SDHA: variants seen among roughly 807,000 people sequenced by gnomAD.
SDHA encodes succinate dehydrogenase [ubiquinone] flavoprotein subunit, mitochondrial.
In SDHA, 48 loss-of-function variants were observed where a neutral mutation model predicts 78.4. The observed-to-expected ratio is 0.61, with a 90% confidence interval of 0.49 to 0.78. The LOEUF is 0.78. Among genes scored for constraint, SDHA ranks in the 30% least tolerant of loss-of-function variants. SDHA has a pLI of 0.00. For synonymous variants in SDHA, 326 were observed against 353.9 expected (o/e 0.92, Z 0.88); for missense variants, 680 against 892.7 (o/e 0.76, Z 3.04).
chr5:224,518 A>G lies in SDHA; in HGVS notation c.309A>G (p.Ala103=), dbSNP rs1139424. ...LFPTRSHTVA[A]QGGINAALGN... ...CTACCAGGTCACACACTGTTGCAGC[A>G]CAGGTAAGAGAAAGGTGCCCCACTG... is the stretch of plus-strand genomic sequence containing the variant. Residue 103 remains alanine, a synonymous_variant, in exon 3 of 15, where the codon GCA becomes GCG. Transcript: ENST00000264932. 0.14 allele frequency: 221,073 copies of G among 1,591,882 alleles called. 19,019 individuals are homozygous for G. The highest frequency in any genetic ancestry group is 0.52 in the African/African-American group (38,517 of 73,786).
the SDHA span, among the ~76,000 whole-genome samples, chr5:267,814 T>C: frequency 6.6e-6 from 1 of 152,178 alleles, no homozygotes; most frequent in Admixed American, 6.5e-5. Context: ...GATGAGGAGA[T>C]AGTGGTGCCT....
At chr5:229,404 C>T (rs1331465565) in intron 6 of SDHA, among the ~76,000 whole-genome samples, 2 of 152,188 alleles carry the variant, frequency 1.3e-5, no homozygotes, top group African/African-American at 4.8e-5. Flanking sequence ...GTATACACAA[C>T]TGAATATTAT....
chr5:255,061 G>T (rs1314596137), intron 14 of SDHA, among the ~76,000 whole-genome samples: 2 of 151,832 alleles, frequency 1.3e-5, no homozygotes, highest in African/African-American at 2.4e-5. Context: ...ACAGCCAGCC[G>T]AGGGTGTGGT....
At chr5:223,342 C>G in intron 1 of SDHA, 140 bp from the exon 2 acceptor site, 1 of 727,726 alleles carries the variant, frequency 1.4e-6, no homozygotes. Flanking sequence ...AGTAGAGGGT[C>G]CCAGCTGAGC....
chr5:235,178 C>T lies in SDHA; in HGVS notation c.1099C>T (p.Gln367Ter), dbSNP rs780941330. 6.2e-7 allele frequency: 1 copy of T among 1,614,018 alleles called. No homozygotes were observed. Among genetic ancestry groups the T allele is most frequent in the Admixed American group, 1.7e-5 (1 of 60,028 alleles). ...CGPEKDHVYL[Q>*]LHHLPPEQLA... ...CCCTGAGAAAGATCACGTCTACCTG[C>T]AGCTGCACCACCTACCTCCAGAGCA... Residue 367 changes from glutamine (Q) to a stop codon, truncating the protein, a stop_gained, in exon 9 of 15, where the codon CAG (glutamine) becomes TAG (stop). Coordinates refer to ENST00000264932, the MANE Select transcript of SDHA (RefSeq NM_004168.4). LOFTEE classifies it high-confidence loss of function.
the SDHA span, among the ~76,000 whole-genome samples, chr5:265,610 GT>G: frequency 6.6e-6 from 1 of 152,076 alleles, no homozygotes; most frequent in African/African-American, 2.4e-5. Flanking sequence ...AAGAATGACA[GT>G]TTAAGAATTG....
At chr5:249,161 A>G (rs1466678636) in intron 11 of SDHA, 2 of 383,862 alleles carry the variant, frequency 5.2e-6, no homozygotes, top group African/African-American at 4.4e-5. Context: ...ATCCATTAAA[A>G]TGGATAAAAA....
At chr5:266,418 A>G in the SDHA span, among the ~76,000 whole-genome samples, 1 of 152,124 alleles carries the variant, frequency 6.6e-6, no homozygotes, top group Non-Finnish European at 1.5e-5. Flanking sequence ...TAGGAACCCA[A>G]AACAAACCTT....
rs756413243 is a variant in SDHA, at chr5:237,762, C to T, written c.1432+1163C>T. Among the ~76,000 whole-genome samples, 7 of 136,540 alleles carry T rather than the reference C, an allele frequency of 5.1e-5. 1 individual carries two copies. The highest frequency in any genetic ancestry group is 3.4e-3 in the Middle Eastern group (1 of 296). The allele number at this position is 136,540 out of a possible 152,430, so 89.6% of individuals were successfully genotyped here. ...AGCACGGCTGTAACTTATAAACGTG[C>T]CCCCTTTTGTATCTGTAGTTAGAAA... On this transcript the variant is annotated intron_variant, in intron 10 of 14. Transcript: ENST00000264932.
At chr5:232,487 C>G (rs1735472640) in intron 7 of SDHA, among the ~76,000 whole-genome samples, 1 of 152,162 alleles carries the variant, frequency 6.6e-6, no homozygotes, top group Admixed American at 6.5e-5. Flanking sequence ...CCTCAGGGTC[C>G]TGGGATTATA....
chr5:263,397 G>A, the SDHA span, among the ~76,000 whole-genome samples: 19 of 152,160 alleles, frequency 1.2e-4, no homozygotes, highest in Non-Finnish European at 2.4e-4. Context: ...CGGACTATTG[G>A]TGCACGCAGC....
rs546536988 is a variant in SDHA at position 226,884 on chromosome 5, G to T, written c.621+837G>T. Among the ~76,000 whole-genome samples the T allele has an allele frequency of 5.2e-5, 7 of 134,854 alleles. No individual in the cohort carries two copies. In the South Asian group the frequency reaches 1.6e-3, roughly 32 times the overall value. The allele number at this position is 134,854 out of a possible 152,430, so 88.5% of individuals were successfully genotyped here. A position where few individuals can be genotyped will look rare whatever the true frequency, so the allele number is the denominator to read the frequency against. ...GCGGAACTTGCAGTGAGCCGAGATCGCACCCCTGCACTCCAGCCTGGGCAA... is the reference window on the plus strand; with the variant it reads ...GCGGAACTTGCAGTGAGCCGAGATCTCACCCCTGCACTCCAGCCTGGGCAA... On this transcript the variant is annotated intron_variant, in intron 5 of 14. Coordinates refer to ENST00000264932, the MANE Select transcript of SDHA (RefSeq NM_004168.4).
At chr5:248,767 A>C (rs1162455556) in intron 11 of SDHA, among the ~76,000 whole-genome samples, 2 of 152,190 alleles carry the variant, frequency 1.3e-5, no homozygotes, top group Non-Finnish European at 2.9e-5. Flanking sequence ...GGGGATGTTT[A>C]GCTTGAATTG....
At position 250,773 on chromosome 5, in the gene SDHA, A is replaced by G. The variant is rs1355593038; in HGVS notation, c.1552-219A>G. 7.4e-6 allele frequency: 4 copies of G among 538,366 alleles called. No homozygotes were observed. Among genetic ancestry groups the G allele is most frequent in the South Asian group, 2.0e-5 (1 of 49,294 alleles). The allele number at this position is 538,366 out of a possible 1,614,324, so 33.3% of individuals were successfully genotyped here. ...TGGAAAGGATGTGTGTGGGTCTAAG[A>G]TGTGTATGTAATAGAAACATTTATT... On this transcript the variant is annotated intron_variant, in intron 11 of 14. Transcript: ENST00000264932.
rs1416043203 is a variant in SDHA, at chr5:224,437, T to G, written c.228T>G (p.Ala76=). 14 of 1,613,620 alleles carry G rather than the reference T, an allele frequency of 8.7e-6. No homozygotes were observed. The highest frequency in any genetic ancestry group is 1.2e-5 in the Non-Finnish European group (14 of 1,179,852). The part of the protein sequence containing the change: ...VVGAGGAGLR[A]AFGLSEAGFN... ...GCGCTGGAGGGGCAGGCTTGCGAGC[T>G]GCATTTGGCCTTTCTGAGGCAGGGT... Residue 76 remains alanine (A), a synonymous_variant, in exon 3 of 15, where the codon GCT becomes GCG. Coordinates refer to ENST00000264932, the MANE Select transcript of SDHA (RefSeq NM_004168.4).
In SDHA at chr5:245,395, C is replaced by G. The variant is rs529331975; in HGVS notation, c.1551+4919C>G. ...CTGTGAACGGTTTGCATTTACAATT[C>G]GTGCAGTAAACAACCTGCAGCCTGC... is the stretch of plus-strand genomic sequence containing the variant. On this transcript the variant is annotated intron_variant, in intron 11 of 14. Transcript: ENST00000264932. Among the ~76,000 whole-genome samples the G allele has an allele frequency of 1.0e-3, 152 of 152,282 alleles. 3 individuals are homozygous for G. Among genetic ancestry groups the G allele is most frequent in the Middle Eastern group, 6.8e-3 (2 of 294 alleles).
chr5:245,735 G>A (rs1355221339), intron 11 of SDHA, among the ~76,000 whole-genome samples: 10 of 152,204 alleles, frequency 6.6e-5, no homozygotes, highest in African/African-American at 2.2e-4. Context: ...GTAGCCATAC[G>A]TAGGGATCAA....
chr5:224,636 G>A (rs1734906369), intron 3 of SDHA, 115 bp downstream of exon 3: 11 of 1,127,836 alleles, frequency 9.8e-6, no homozygotes, highest in Non-Finnish European at 1.5e-5. Flanking sequence ...ATGGCCTCTT[G>A]CTGTGCCTTA....
chr5:230,816 C>T (rs1307494866), intron 6 of SDHA, 60 bp from the exon 7 acceptor site: 10 of 1,611,088 alleles, frequency 6.2e-6, no homozygotes, highest in Non-Finnish European at 7.6e-6. Flanking sequence ...TGTGATCTCA[C>T]CAGATAGGAG....
Sources: allele counts gnomAD v4.1 joint callset (sites outside exome capture counted in the v4.1 genomes callset), GRCh38; gene constraint gnomAD v4.1.1; transcripts MANE v1.5; gene names NCBI Gene and HGNC (gene_info 2026-07-23, HGNC 2026-07-21).